Variants in PPP1R17 observed in about 807,000 individuals in gnomAD.
The protein encoded by PPP1R17 is G-substrate.
PPP1R17 carries 12 observed loss-of-function variants against 15.9 expected under a neutral mutation model. The ratio of observed to expected loss-of-function variants is 0.75; its 90% CI spans 0.48 to 1.22. PPP1R17 has a LOEUF of 1.22. Ranked by LOEUF, PPP1R17 falls within the 50% of genes most tolerant of loss-of-function variation. The pLI is 0.00. For synonymous variants in PPP1R17, 63 were observed against 64.5 expected, an observed-to-expected ratio of 0.98 and a Z score of 0.11; for missense variants, 211 against 187.3, an observed-to-expected ratio of 1.13 and a Z score of -0.74.
intron 3 of PPP1R17, among the ~76,000 whole-genome samples, 174 bp downstream of exon 3, chr7:31,695,795 C>G (rs1282606965): frequency 6.6e-6 from 1 of 151,496 alleles, no homozygotes; most frequent in East Asian, 2.0e-4. Flanking sequence ...CAGATACATT[C>G]TAAAATATTA....
chr7:31,692,166 A>T (rs1792383636), intron 1 of PPP1R17, among the ~76,000 whole-genome samples: 1 of 152,146 alleles, frequency 6.6e-6, no homozygotes. Context: ...AATATTGGAC[A>T]TTTGATACAT....
chr7:31,698,489 C>T (rs1792707945), intron 4 of PPP1R17, among the ~76,000 whole-genome samples: 1 of 152,226 alleles, frequency 6.6e-6, no homozygotes, highest in Non-Finnish European at 1.5e-5. Context: ...TTCACACACA[C>T]ACATTTCTAC....
chr7:31,698,422 A>C (rs78092695), intron 4 of PPP1R17, among the ~76,000 whole-genome samples: 6,084 of 152,214 alleles, frequency 0.04, 421 homozygotes, highest in African/African-American at 0.14. Context: ...TACCAAGATG[A>C]ATGGTGGGTT....
In PPP1R17 at chr7:31,703,476, C is replaced by T. The variant is rs556957287; in HGVS notation, c.389-3728C>T. 2.0e-5 allele frequency among the ~76,000 whole-genome samples: 3 copies of T among 152,324 alleles called. No homozygotes were observed. The South Asian group carries it at 6.2e-4, about 32-fold the overall frequency. On this transcript the variant is annotated intron_variant, in intron 4 of 4. Coordinates refer to ENST00000342032, the MANE Select transcript of PPP1R17 (RefSeq NM_006658.5). ...GGGAGAGGTTGTATAACCATAGCCTCTGTATGCATTATGGAATTCCTTGAA... is the reference window on the plus strand; with the variant it reads ...GGGAGAGGTTGTATAACCATAGCCTTTGTATGCATTATGGAATTCCTTGAA...
chr7:31,695,221 C>T (rs561639086), intron 2 of PPP1R17, among the ~76,000 whole-genome samples: 19 of 152,254 alleles, frequency 1.2e-4, no homozygotes, highest in African/African-American at 3.4e-4. Flanking sequence ...TTCTTTGCCT[C>T]GGTGATCCAT....
intron 4 of PPP1R17, among the ~76,000 whole-genome samples, chr7:31,702,211 T>TTA (rs1554309699): frequency 1.4e-5 from 2 of 139,394 alleles, no homozygotes; most frequent in South Asian, 4.3e-4. Flanking sequence ...TTATTTATTT[T>TTA]TTTTTTTGCC....
At chr7:31,690,004 G>A (rs569590100) in intron 1 of PPP1R17, among the ~76,000 whole-genome samples, 1 of 152,292 alleles carries the variant, frequency 6.6e-6, no homozygotes, top group African/African-American at 2.4e-5. Flanking sequence ...GGAAGCATGT[G>A]TCAGTTTTGT....
At chr7:31,687,341 G>T (rs978728839) in intron 1 of PPP1R17, 35 bp downstream of exon 1, 1 of 152,330 alleles carries the variant, frequency 6.6e-6, no homozygotes, top group African/African-American at 2.4e-5. Flanking sequence ...AAGAACTTTT[G>T]TGGTGAGAAA....
chr7:31,707,550 A>G lies in PPP1R17; in HGVS notation c.*267A>G, dbSNP rs540931671. 1.2e-5 allele frequency: 5 copies of G among 402,806 alleles called. No individual in the cohort carries two copies. The Admixed American group carries it at 1.7e-4, about 14-fold the overall frequency. 25.0% of individuals were successfully genotyped at this position (402,806 alleles called of 1,614,324 possible). On this transcript the variant is annotated 3_prime_UTR_variant, in exon 5 of 5. Transcript: ENST00000342032. Reference sequence around the variant, plus strand: ...ACAGATCATCCTAAATGAGGAGGTAACAGGGAAAGCACTGGGGTTCGGTTT... The same window carrying G: ...ACAGATCATCCTAAATGAGGAGGTAGCAGGGAAAGCACTGGGGTTCGGTTT...
At position 31,707,306 on chromosome 7, in the gene PPP1R17, T is replaced by C; in HGVS notation, c.*23T>C. ...TAAAGATAGTTCCCCTGAGACCACT[T>C]GTAAATAGGTTAGATTGGTTCCCTG... is the stretch of plus-strand genomic sequence containing the variant. On this transcript the variant is annotated 3_prime_UTR_variant, in exon 5 of 5. Coordinates refer to ENST00000342032, the MANE Select transcript of PPP1R17 (RefSeq NM_006658.5). The C allele has an allele frequency of 6.3e-7, 1 of 1,595,750 alleles. No homozygotes were observed. Among genetic ancestry groups the C allele is most frequent in the East Asian group, 2.2e-5 (1 of 44,742 alleles).
chr7:31,691,540 T>G (rs1035557755), intron 1 of PPP1R17, among the ~76,000 whole-genome samples: 1 of 152,042 alleles, frequency 6.6e-6, no homozygotes, highest in Non-Finnish European at 1.5e-5. Context: ...CCTTCAGACC[T>G]GACACATATC....
intron 2 of PPP1R17, 39 bp from the exon 3 acceptor site, chr7:31,695,430 T>C: frequency 6.4e-7 from 1 of 1,552,916 alleles, no homozygotes; most frequent in Non-Finnish European, 8.7e-7. Context: ...TCCTTAATCA[T>C]GTTATATTCT....
At position 31,692,451 on chromosome 7, in the gene PPP1R17, A is replaced by T; in HGVS notation, c.10A>T (p.Thr4Ser). Residue 4 changes from threonine to serine, a missense_variant, in exon 2 of 5, where the codon ACT becomes TCT. Thr to Ser is a moderately conservative substitution (Grantham distance 58). Coordinates refer to ENST00000342032, the MANE Select transcript of PPP1R17 (RefSeq NM_006658.5). The stretch of plus-strand genomic sequence containing the variant: ...CACCCACCCTCCTTTGATGATGTCC[A>T]CTGAGCAAATGCAGCCACTGGAACT... MMS[T>S]EQMQPLELSE... 1 of 1,610,280 alleles carries T rather than the reference A, an allele frequency of 6.2e-7. No homozygotes were observed. The highest frequency in any genetic ancestry group is 8.5e-7 in the Non-Finnish European group (1 of 1,176,518).
chr7:31,698,038 C>G (rs571720804), intron 4 of PPP1R17, among the ~76,000 whole-genome samples: 2 of 152,248 alleles, frequency 1.3e-5, no homozygotes. Flanking sequence ...TAAAATGTGG[C>G]AGAATTGGGG....
At chr7:31,691,797 T>TAAAAAAAAAAAAAAAAAAA (rs377169335) in intron 1 of PPP1R17, among the ~76,000 whole-genome samples, 1 of 86,558 alleles carries the variant, frequency 1.2e-5, no homozygotes, top group Non-Finnish European at 2.2e-5. Context: ...ATGTAATGAT[T>TAAAAAAAAAAAAAAAAAAA]AAAAAAAAAA....
rs1307206881 is a variant in PPP1R17 at position 31,707,327 on chromosome 7, C to T, written c.*44C>T. On this transcript the variant is annotated 3_prime_UTR_variant, in exon 5 of 5. Coordinates refer to ENST00000342032, the MANE Select transcript of PPP1R17 (RefSeq NM_006658.5). Reference sequence around the variant, plus strand: ...CACTTGTAAATAGGTTAGATTGGTTCCCTGTGGTGACCTAGAGAAAAAATA... The same window carrying T: ...CACTTGTAAATAGGTTAGATTGGTTTCCTGTGGTGACCTAGAGAAAAAATA... 5.9e-6 allele frequency: 9 copies of T among 1,524,536 alleles called. No homozygotes were observed. The highest frequency in any genetic ancestry group is 8.1e-6 in the Non-Finnish European group (9 of 1,109,266). 94.4% of individuals were successfully genotyped at this position (1,524,536 alleles called of 1,614,324 possible).
chr7:31,707,340 T>A lies in PPP1R17; in HGVS notation c.*57T>A. The A allele has an allele frequency of 1.4e-6, 2 of 1,440,808 alleles. No homozygotes were observed. The highest frequency in any genetic ancestry group is 3.9e-5 in the Admixed American group (2 of 50,780). 89.3% of individuals were successfully genotyped at this position (1,440,808 alleles called of 1,614,324 possible). A position where few individuals can be genotyped will look rare whatever the true frequency, so the allele number is the denominator to read the frequency against. On this transcript the variant is annotated 3_prime_UTR_variant, in exon 5 of 5. Transcript: ENST00000342032. ...GTTAGATTGGTTCCCTGTGGTGACC[T>A]AGAGAAAAAATAGACTTGTTTCTGC...
At position 31,696,958 on chromosome 7, in the gene PPP1R17, C is replaced by T; in HGVS notation, c.236-7C>T. On this transcript the variant is annotated splice_polypyrimidine_tract_variant and splice_region_variant and intron_variant, in intron 3 of 4. Transcript: ENST00000342032. ...CTGTTTCTCTCTGTGTTCCCCTAAC[C>T]ATGCAGGTGTGTTTTCAGAACATTT... 1 of 1,613,412 alleles carries T rather than the reference C, an allele frequency of 6.2e-7. No homozygotes were observed. Among genetic ancestry groups the T allele is most frequent in the Non-Finnish European group, 8.5e-7 (1 of 1,179,674 alleles).
At chr7:31,706,315 T>A (rs1471496548) in intron 4 of PPP1R17, among the ~76,000 whole-genome samples, 1 of 152,020 alleles carries the variant, frequency 6.6e-6, no homozygotes, top group Non-Finnish European at 1.5e-5. Flanking sequence ...CAGTAAATTT[T>A]TAAAACAAAA....
Sources: allele counts gnomAD v4.1 joint callset (sites outside exome capture counted in the v4.1 genomes callset), GRCh38; gene constraint gnomAD v4.1.1; transcripts MANE v1.5; gene names NCBI Gene and HGNC (gene_info 2026-07-23, HGNC 2026-07-21).